The following STAU2 variants were observed in gnomAD, a reference collection of about 807,000 sequenced individuals.
STAU2 encodes the protein staufen double-stranded RNA binding protein 2.
Under a neutral mutation model 65.9 loss-of-function variants are expected in STAU2, and 20 were observed. That is an observed-to-expected ratio of 0.30 (90% CI 0.21 to 0.44). The LOEUF is 0.44. Ranked by LOEUF, STAU2 falls within the 20% of genes least tolerant of loss-of-function variation. The pLI, the probability that STAU2 is intolerant of heterozygous loss-of-function variation, is 1.00. For missense variants in STAU2, 558 were observed against 683.9 expected, an observed-to-expected ratio of 0.82 and a Z score of 2.05; for synonymous variants, 232 against 233.9, an observed-to-expected ratio of 0.99 and a Z score of 0.07.
chr8:73,562,879 G>A (rs956607504), intron 12 of STAU2, among the ~76,000 whole-genome samples: 1 of 152,004 alleles, frequency 6.6e-6, no homozygotes, highest in African/African-American at 2.4e-5. Context: ...GGAAGGCTAA[G>A]GCAAAAGGGC....
chr8:73,738,638 C>G (rs1302568813), intron 2 of STAU2, among the ~76,000 whole-genome samples: 2 of 152,192 alleles, frequency 1.3e-5, no homozygotes, highest in East Asian at 3.9e-4. Context: ...AGCCACCATA[C>G]TGGACAGTAC....
chr8:73,557,267 T>C (rs1807862099), intron 12 of STAU2, among the ~76,000 whole-genome samples: 1 of 152,158 alleles, frequency 6.6e-6, no homozygotes, highest in Non-Finnish European at 1.5e-5. Context: ...TCTTCACAAA[T>C]AAAGATTACT....
chr8:73,658,362 C>T (rs1040912981), intron 6 of STAU2, among the ~76,000 whole-genome samples: 10 of 151,932 alleles, frequency 6.6e-5, no homozygotes, highest in Admixed American at 2.6e-4. Flanking sequence ...AGCAACACTC[C>T]ATCTCAATTA....
At chr8:73,570,539 C>A (rs898298499) in intron 12 of STAU2, among the ~76,000 whole-genome samples, 2 of 152,124 alleles carry the variant, frequency 1.3e-5, no homozygotes, top group Non-Finnish European at 2.9e-5. Context: ...GTATATTATC[C>A]CAGAGAACTT....
intron 11 of STAU2, among the ~76,000 whole-genome samples, chr8:73,591,152 C>G (rs916033133): frequency 6.6e-6 from 1 of 152,036 alleles, no homozygotes; most frequent in African/African-American, 2.4e-5. Flanking sequence ...ATTTTAATCA[C>G]TTAAAAAGAT....
At chr8:73,518,936 T>TA (rs1273864887) in intron 13 of STAU2, among the ~76,000 whole-genome samples, 1 of 152,154 alleles carries the variant, frequency 6.6e-6, no homozygotes, top group Admixed American at 6.6e-5. Context: ...TTGAAATATT[T>TA]AAAAAAATCA....
chr8:73,710,510 C>A (rs140573319), intron 3 of STAU2, among the ~76,000 whole-genome samples: 134 of 151,448 alleles, frequency 8.8e-4, no homozygotes, highest in African/African-American at 3.2e-3. Flanking sequence ...GCCTTCTATT[C>A]TTTCTATAAA....
chr8:73,606,982 G>C (rs1038334365), intron 9 of STAU2, among the ~76,000 whole-genome samples: 7 of 152,172 alleles, frequency 4.6e-5, no homozygotes, highest in Non-Finnish European at 7.4e-5. Context: ...AAAAAAGAGT[G>C]GTTTCTCGGC....
At chr8:73,521,141 G>T (rs1241791898) in intron 13 of STAU2, among the ~76,000 whole-genome samples, 1 of 152,134 alleles carries the variant, frequency 6.6e-6, no homozygotes, top group African/African-American at 2.4e-5. Context: ...ATCATTAGTT[G>T]TAAGACATTA....
chr8:73,502,271 A>AC, intron 13 of STAU2, among the ~76,000 whole-genome samples: 1 of 151,306 alleles, frequency 6.6e-6, no homozygotes, highest in Middle Eastern at 3.4e-3. Context: ...AGCACCAGAA[A>AC]AAAAATTCCT....
chr8:73,452,610 C>T (rs568609255), intron 13 of STAU2, among the ~76,000 whole-genome samples: 1 of 152,348 alleles, frequency 6.6e-6, no homozygotes, highest in South Asian at 2.1e-4. Flanking sequence ...TAAGCAATAA[C>T]ACTGAAGTAG....
chr8:73,723,499 G>A (rs1350962425), intron 3 of STAU2, among the ~76,000 whole-genome samples: 1 of 152,140 alleles, frequency 6.6e-6, no homozygotes, highest in Non-Finnish European at 1.5e-5. Flanking sequence ...TATGTCCCTT[G>A]AGAACTACAA....
chr8:73,481,814 G>A (rs993620111), intron 13 of STAU2, among the ~76,000 whole-genome samples: 1 of 152,066 alleles, frequency 6.6e-6, no homozygotes, highest in African/African-American at 2.4e-5. Context: ...AGTGAGTTTT[G>A]GGGATGAATC....
At chr8:73,708,521 GATA>G (rs992746167) in intron 4 of STAU2, among the ~76,000 whole-genome samples, 3 of 152,068 alleles carry the variant, frequency 2.0e-5, no homozygotes, top group African/African-American at 7.2e-5. Context: ...TGAATGCAGA[GATA>G]ATAAGAACAG....
At chr8:73,551,679 G>A in intron 13 of STAU2, 9 of 1,012,624 alleles carry the variant, frequency 8.9e-6, no homozygotes, top group Non-Finnish European at 1.1e-5. Flanking sequence ...TCTGAAGGCA[G>A]AATTTTTGTT....
intron 13 of STAU2, among the ~76,000 whole-genome samples, chr8:73,435,693 T>G (rs1256380661): frequency 6.6e-6 from 1 of 152,022 alleles, no homozygotes; most frequent in Admixed American, 6.5e-5. Flanking sequence ...TACTGTCTTT[T>G]TGAGATGTCA....
chr8:73,719,703 T>C (rs564973585), intron 3 of STAU2, among the ~76,000 whole-genome samples: 1 of 152,336 alleles, frequency 6.6e-6, no homozygotes, highest in East Asian at 1.9e-4. Flanking sequence ...TAATAAACTG[T>C]TGAATTAGAT....
rs1406252020 is a variant in STAU2, at chr8:73,436,567, T to TA, written c.1531-13866_1531-13865insT. Among the ~76,000 whole-genome samples the TA allele has an allele frequency of 2.6e-3, 357 of 136,722 alleles. 8 individuals carry two copies. Among genetic ancestry groups the TA allele is most frequent in the African/African-American group, 9.1e-3 (302 of 33,266 alleles). 89.7% of individuals were successfully genotyped at this position (136,722 alleles called of 152,430 possible). Reference sequence around the variant, plus strand: ...GATGAATTATCAGTATTTTGCCAATTTTTTATTTATTTATTTATTTATTTA... The same window carrying TA: ...GATGAATTATCAGTATTTTGCCAATTATTTTATTTATTTATTTATTTATTTA... On this transcript the variant is annotated intron_variant, in intron 13 of 14. Coordinates refer to ENST00000524300, the MANE Select transcript of STAU2 (RefSeq NM_001164380.2).
At chr8:73,640,861 T>A (rs1425608845) in intron 6 of STAU2, among the ~76,000 whole-genome samples, 1 of 152,172 alleles carries the variant, frequency 6.6e-6, no homozygotes, top group East Asian at 1.9e-4. Context: ...TTACCATATG[T>A]AAGTTCTAAA....
Sources: allele counts gnomAD v4.1 joint callset (sites outside exome capture counted in the v4.1 genomes callset), GRCh38; gene constraint gnomAD v4.1.1; transcripts MANE v1.5; gene names NCBI Gene and HGNC (gene_info 2026-07-23, HGNC 2026-07-21).